The following MYL6B variants were observed in gnomAD, a reference collection of about 807,000 sequenced individuals.
MYL6B encodes the protein myosin alkali light chain 1 slow a.
In MYL6B, 19 loss-of-function variants were observed where a neutral mutation model predicts 24.5. The ratio of observed to expected loss-of-function variants is 0.78; its 90% confidence interval spans 0.54 to 1.14. MYL6B has a LOEUF of 1.14. Ranked by LOEUF, MYL6B falls within the 50% of genes most tolerant of loss-of-function variation. MYL6B has a pLI of 0.00. For synonymous variants in MYL6B, 90 were observed against 100.7 expected, an observed-to-expected ratio of 0.89 and a Z score of 0.64; for missense variants, 230 against 263.8, an observed-to-expected ratio of 0.87 and a Z score of 0.89.
chr12:56,154,475 A>G (rs1409430428), intron 2 of MYL6B, among the ~76,000 whole-genome samples: 1 of 152,234 alleles, frequency 6.6e-6, no homozygotes, highest in Non-Finnish European at 1.5e-5. Context: ...GGGAGGCTGA[A>G]GAGGACAGAC....
chr12:56,157,430 G>C (rs1313837325), intron 5 of MYL6B, 38 bp from the exon 6 acceptor site: 1 of 1,598,366 alleles, frequency 6.3e-7, no homozygotes, highest in African/African-American at 1.3e-5. Flanking sequence ...GAGTGAAGGA[G>C]GGAAAGGAGG....
exon 4 of MYL6B, chr12:56,155,093 G>A (rs764776198): frequency 1.1e-5 from 17 of 1,613,768 alleles, no homozygotes; most frequent in Non-Finnish European, 1.4e-5. Context: ...CCGAGTGGGG[G>A]ATGGCAAGAT....
In MYL6B at chr12:56,153,997, G is replaced by A. The variant is rs185618467; in HGVS notation, c.79G>A (p.Ala27Thr). 91 of 1,614,102 alleles carry A rather than the reference G, an allele frequency of 5.6e-5. No individual in the cohort carries two copies. The highest frequency in any genetic ancestry group is 1.0e-4 in the Admixed American group (6 of 60,020). The stretch of plus-strand genomic sequence containing the variant: ...CAAACCTGCTGCTAAGCCAGCAGCA[G>A]CAGGGGCTCCTCCAGCCAAGACCAA... The change falls in exon 2 of 7, where the codon GCA becomes ACA. Residue 27 changes from alanine to threonine, a missense_variant. Coordinates refer to ENST00000553066, the Ensembl canonical transcript of MYL6B.
Position 56,157,868 on chromosome 12 carries a change from GT to G in MYL6B, c.*149del, listed in dbSNP as rs555211252. On this transcript the variant is annotated 3_prime_UTR_variant, in exon 7 of 7. Coordinates refer to ENST00000553066, the Ensembl canonical transcript of MYL6B. ...CGGGCTCCAGCGCTTCGCAACTTTGGTTTTTTTCCACAGATCCAGTGGGGTC... is the reference window on the plus strand; with the variant it reads ...CGGGCTCCAGCGCTTCGCAACTTTGGTTTTTTCCACAGATCCAGTGGGGTC... 4.9e-4 allele frequency: 512 copies of G among 1,050,904 alleles called. 3 individuals are homozygous for G. The African/African-American group carries it at 6.8e-3, about 14-fold the overall frequency. The allele number at this position is 1,050,904 out of a possible 1,614,324, so 65.1% of individuals were successfully genotyped here. A position where few individuals can be genotyped will look rare whatever the true frequency, so the allele number is the denominator to read the frequency against.
chr12:56,156,043 C>A (rs1248878637), intron 5 of MYL6B: 77 of 1,093,170 alleles, frequency 7.0e-5, no homozygotes, highest in Non-Finnish European at 8.5e-5. Context: ...TGGTGGCTCA[C>A]GCCTGTAATC....
chr12:56,155,802 G>C, intron 5 of MYL6B: 2 of 1,477,250 alleles, frequency 1.4e-6, no homozygotes, highest in Non-Finnish European at 1.8e-6. Context: ...CAGAGGAAAA[G>C]GGATGAGGCG....
At chr12:56,157,518 G>A (rs1304041052) in exon 6 of MYL6B, 16 of 1,613,784 alleles carry the variant, frequency 9.9e-6, no homozygotes, top group Non-Finnish European at 1.4e-5. Flanking sequence ...AGGACACGAG[G>A]ACAGCAACGG....
rs58480834 is a variant in MYL6B, at chr12:56,156,749, T to TA, written c.521-706dup. Among the ~76,000 whole-genome samples, 1,049 of 142,556 alleles carry TA rather than the reference T, an allele frequency of 7.4e-3. 11 individuals carry two copies. Among genetic ancestry groups the TA allele is most frequent in the African/African-American group, 0.021 (813 of 39,170 alleles). The allele number at this position is 142,556 out of a possible 152,430, so 93.5% of individuals were successfully genotyped here. A position where few individuals can be genotyped will look rare whatever the true frequency, so the allele number is the denominator to read the frequency against. ...AACGTAGTGAGATTCTATCTCTATT[T>TA]AAAAAAAAAAAAAGTACAAGGCTGG... On this transcript the variant is annotated intron_variant, in intron 5 of 6. Transcript: ENST00000553066.
chr12:56,153,903 T>C (rs756951272), exon 2 of MYL6B: 1 of 1,604,194 alleles, frequency 6.2e-7, no homozygotes, highest in African/African-American at 1.3e-5. Context: ...ACACTGTCCT[T>C]TGGCCACCGG....
intron 5 of MYL6B, 162 bp downstream of exon 5, chr12:56,155,754 G>A (rs1871284033): frequency 1.3e-6 from 2 of 1,532,202 alleles, no homozygotes; most frequent in Admixed American, 2.0e-5. Flanking sequence ...GAATCTGAAG[G>A]ACTCGCTCTT....
At position 56,154,833 on chromosome 12, in the gene MYL6B, G is replaced by A. The variant is rs774368803; in HGVS notation, c.195G>A (p.Gln65=). ...CACAGATCGAGTTTAACAAGGACCA[G>A]CTGGAGGGTGAGGAGAAGCTCATCT... is the stretch of plus-strand genomic sequence containing the variant. Residue 65 remains glutamine (Q), a synonymous_variant, in exon 3 of 7, where the codon CAG becomes CAA. Transcript: ENST00000553066. 2.5e-6 allele frequency: 4 copies of A among 1,612,828 alleles called. No homozygotes were observed. The Admixed American group carries it at 5.0e-5, about 20-fold the overall frequency.
At chr12:56,156,385 A>C (rs1871305522) in intron 5 of MYL6B, 2 of 152,108 alleles carry the variant, frequency 1.3e-5, no homozygotes, top group African/African-American at 4.8e-5. Flanking sequence ...CAGGCGGATC[A>C]CTTGAGATCA....
rs1457140270 is a variant in MYL6B, at chr12:56,152,802, C to T, written c.-47+171C>T. 2.6e-5 allele frequency among the ~76,000 whole-genome samples: 4 copies of T among 152,082 alleles called. No homozygotes were observed. In the South Asian group the frequency reaches 6.2e-4, roughly 24 times the overall value. ...TGCGAATGGGAGACCCAGCATCAAC[C>T]CCGGGGCCTAAGTGGAATCACTGCT... On this transcript the variant is annotated intron_variant, in intron 1 of 6. Coordinates refer to ENST00000553066, the Ensembl canonical transcript of MYL6B.
At position 56,157,047 on chromosome 12, in the gene MYL6B, C is replaced by CAA. The variant is rs34843827; in HGVS notation, c.521-404_521-403dup. 4.3e-3 allele frequency: 475 copies of CAA among 110,416 alleles called. 2 individuals are homozygous for CAA. The highest frequency in any genetic ancestry group is 0.011 in the South Asian group (42 of 3,876). The allele number at this position is 110,416 out of a possible 1,614,324, so 6.8% of individuals were successfully genotyped here. A position where few individuals can be genotyped will look rare whatever the true frequency, so the allele number is the denominator to read the frequency against. The stretch of plus-strand genomic sequence containing the variant: ...TGGGTGACAGAGGGAGACCCTATCT[C>CAA]AAAAAAAAAAAAAAAAAATTACAAT... On this transcript the variant is annotated intron_variant, in intron 5 of 6. Transcript: ENST00000553066.
At chr12:56,157,399 AAG>A (rs1187307467) in intron 5 of MYL6B, 67 bp from the exon 6 acceptor site, 13 of 1,473,660 alleles carry the variant, frequency 8.8e-6, no homozygotes, top group Non-Finnish European at 1.2e-5. Flanking sequence ...CAAAAAAAAA[AAG>A]GAAAAGCGTG....
rs1565882115 is a variant in MYL6B at position 56,157,565 on chromosome 12, G to A, written c.598+20G>A. On this transcript the variant is annotated intron_variant, in intron 6 of 6. Coordinates refer to ENST00000553066, the Ensembl canonical transcript of MYL6B. ...ACGAGGGTGAGGGGACAAAAAAGCG[G>A]GAGCGGGGCCGAGGGAGGAGGGCAG... 1.2e-5 allele frequency: 20 copies of A among 1,613,074 alleles called. No individual in the cohort carries two copies. Among genetic ancestry groups the A allele is most frequent in the Admixed American group, 1.7e-5 (1 of 59,978 alleles).
chr12:56,155,911 T>C, intron 5 of MYL6B: 1 of 1,236,420 alleles, frequency 8.1e-7, no homozygotes, highest in Non-Finnish European at 1.0e-6. Flanking sequence ...GTCAATACTT[T>C]CAGCAGTACT....
At position 56,155,464 on chromosome 12, in the gene MYL6B, T is replaced by A. The variant is rs1565881255; in HGVS notation, c.392T>A (p.Leu131His). The A allele has an allele frequency of 9.9e-6, 16 of 1,614,068 alleles. No individual in the cohort carries two copies. Among genetic ancestry groups the A allele is most frequent in the Non-Finnish European group, 1.4e-5 (16 of 1,180,018 alleles). Reference sequence around the variant, plus strand: ...GACTTTGAGACTTTCCTGCCCATGCTCCAGGCAGTGGCCAAGAACCGAGGC... The same window carrying A: ...GACTTTGAGACTTTCCTGCCCATGCACCAGGCAGTGGCCAAGAACCGAGGC... Residue 131 changes from leucine to histidine, a missense_variant, in exon 5 of 7, where the codon CTC (leucine) becomes CAC (histidine). Coordinates refer to ENST00000553066, the Ensembl canonical transcript of MYL6B.
intron 1 of MYL6B, 64 bp from the exon 2 acceptor site, chr12:56,153,809 C>A: frequency 1.7e-6 from 2 of 1,173,632 alleles, no homozygotes; most frequent in Non-Finnish European, 2.4e-6. Context: ...TTTGCCACAG[C>A]CAACTGGCTC....
Sources: allele counts gnomAD v4.1 joint callset (sites outside exome capture counted in the v4.1 genomes callset), GRCh38; gene constraint gnomAD v4.1.1; transcripts MANE v1.5; gene names NCBI Gene and HGNC (gene_info 2026-07-23, HGNC 2026-07-21).